CCDC3: variants seen among roughly 807,000 people sequenced by gnomAD.
The protein encoded by CCDC3 is coiled-coil domain containing 3, also known as coiled-coil domain-containing protein 3.
In CCDC3, 24 loss-of-function variants were observed where a neutral mutation model predicts 21.4. The observed-to-expected ratio is 1.12, with a 90% CI of 0.81 to 1.58. The LOEUF (loss-of-function observed/expected upper bound fraction) is 1.58. Ranked by LOEUF, CCDC3 falls within the 40% of genes most tolerant of loss-of-function variation. The probability of loss-of-function intolerance (pLI) is 0.00; values close to 1 mark genes in which losing one functional copy is unlikely to be tolerated. For missense variants in CCDC3, 425 were observed against 360.9 expected, an observed-to-expected ratio of 1.18 and a Z score of -1.44; for synonymous variants, 186 against 166.0, an observed-to-expected ratio of 1.12 and a Z score of -0.93.
rs561551732 is a variant in CCDC3 at position 12,930,379 on chromosome 10, C to T, written c.550-31700G>A. Among the ~76,000 whole-genome samples the T allele has an allele frequency of 2.6e-5, 4 of 152,326 alleles. No homozygotes were observed. In the South Asian group the frequency reaches 8.3e-4, roughly 32 times the overall value. On this transcript the variant is annotated intron_variant, in intron 2 of 2. Transcript: ENST00000378825. Reference sequence around the variant, plus strand: ...TTTGAGGGAAAGTGTCACCTAATTTCTGTTGACTCATTCTGAACAATGGAA... The same window carrying T: ...TTTGAGGGAAAGTGTCACCTAATTTTTGTTGACTCATTCTGAACAATGGAA...
Position 13,094,321 on chromosome 10 carries a change from C to T in CCDC3, c.-503+4204G>A, listed in dbSNP as rs182956216. Among the ~76,000 whole-genome samples, 1,227 of 151,888 alleles carry T rather than the reference C, an allele frequency of 8.1e-3. 22 individuals carry two copies. The highest frequency in any genetic ancestry group is 0.028 in the African/African-American group (1,170 of 41,334). On this transcript the variant is annotated intron_variant, in intron 3 of 6. Transcript: ENST00000378839. Reference sequence around the variant, plus strand: ...TCACCCAGGCTGGAGTGCAATGGCACGATCTCGGCTCACTGCAACCTCCAC... The same window carrying T: ...TCACCCAGGCTGGAGTGCAATGGCATGATCTCGGCTCACTGCAACCTCCAC...
chr10:13,031,074 A>C (rs561142239), intron 5 of CCDC3, among the ~76,000 whole-genome samples: 74 of 152,332 alleles, frequency 4.9e-4, no homozygotes, highest in Admixed American at 4.1e-3. Context: ...ACTTATTCCA[A>C]AATTGACCAC....
intron 2 of CCDC3, among the ~76,000 whole-genome samples, chr10:12,972,149 A>G (rs1231633038): frequency 6.6e-6 from 1 of 152,054 alleles, no homozygotes; most frequent in Non-Finnish European, 1.5e-5. Context: ...CATGCCATAC[A>G]CAATCCAACC....
intron 2 of CCDC3, among the ~76,000 whole-genome samples, chr10:12,909,954 C>T (rs1326379023): frequency 6.6e-6 from 1 of 152,232 alleles, no homozygotes; most frequent in East Asian, 1.9e-4. Context: ...CCTGTATCCT[C>T]AGTACTGGCT....
chr10:12,996,544 C>T (rs1437506587), intron 2 of CCDC3, among the ~76,000 whole-genome samples: 5 of 152,176 alleles, frequency 3.3e-5, no homozygotes, highest in Non-Finnish European at 7.3e-5. Context: ...CCATGTTGGC[C>T]AGGCTGGTCT....
intron 5 of CCDC3, among the ~76,000 whole-genome samples, chr10:13,034,279 G>A (rs939745858): frequency 6.7e-6 from 1 of 149,724 alleles, no homozygotes; most frequent in Non-Finnish European, 1.5e-5. Context: ...ACTCATAGGT[G>A]GGAATTGAAC....
intron 5 of CCDC3, among the ~76,000 whole-genome samples, chr10:13,017,861 A>T (rs1440080862): frequency 6.6e-6 from 1 of 152,054 alleles, no homozygotes; most frequent in African/African-American, 2.4e-5. Context: ...CTTTGGAGAC[A>T]TCACCTTTCC....
Position 12,896,810 on chromosome 10 carries a change from C to CTAT in CCDC3, c.*1603_*1605dup, listed in dbSNP as rs1194757744. ...AGGAATAAACTAGAAGACGCACCTGCTATTTCACCATACTATGGAGAATAC... is the reference window on the plus strand; with the variant it reads ...AGGAATAAACTAGAAGACGCACCTGCTATTATTTCACCATACTATGGAGAATAC... On this transcript the variant is annotated 3_prime_UTR_variant, in exon 3 of 3. Coordinates refer to ENST00000378825, the MANE Select transcript of CCDC3 (RefSeq NM_031455.4). 1 of 152,646 alleles carries CTAT rather than the reference C, an allele frequency of 6.6e-6. No homozygotes were observed. Among genetic ancestry groups the CTAT allele is most frequent in the Non-Finnish European group, 1.5e-5 (1 of 68,110 alleles). 9.5% of individuals were successfully genotyped at this position (152,646 alleles called of 1,614,324 possible). A position where few individuals can be genotyped will look rare whatever the true frequency, so the allele number is the denominator to read the frequency against.
chr10:12,934,442 A>T (rs930522782), intron 2 of CCDC3, among the ~76,000 whole-genome samples: 2 of 152,234 alleles, frequency 1.3e-5, no homozygotes, highest in Admixed American at 6.5e-5. Context: ...ATGAAGGAGT[A>T]TGTAAGTGGC....
chr10:13,012,999 C>G (rs898601591), intron 5 of CCDC3, among the ~76,000 whole-genome samples: 2 of 152,166 alleles, frequency 1.3e-5, no homozygotes, highest in Non-Finnish European at 2.9e-5. Context: ...ATTCAAAATT[C>G]ACAAAACTAA....
intron 2 of CCDC3, among the ~76,000 whole-genome samples, chr10:12,996,108 T>C (rs1357010260): frequency 6.6e-6 from 1 of 152,192 alleles, no homozygotes; most frequent in Non-Finnish European, 1.5e-5. Flanking sequence ...AGAAATTAAG[T>C]ATGACTCGGG....
At chr10:12,964,724 GA>G (rs1241275311) in intron 2 of CCDC3, among the ~76,000 whole-genome samples, 1 of 152,170 alleles carries the variant, frequency 6.6e-6, no homozygotes, top group Non-Finnish European at 1.5e-5. Context: ...CAATGTAATT[GA>G]CTCCACTTTG....
chr10:13,059,593 A>G (rs1397318525), intron 4 of CCDC3, among the ~76,000 whole-genome samples: 1 of 152,188 alleles, frequency 6.6e-6, no homozygotes, highest in African/African-American at 2.4e-5. Flanking sequence ...ACCCAAATTC[A>G]CAGTGTGGAC....
At chr10:12,924,270 T>C (rs1261639804) in intron 2 of CCDC3, among the ~76,000 whole-genome samples, 1 of 152,206 alleles carries the variant, frequency 6.6e-6, no homozygotes, top group African/African-American at 2.4e-5. Flanking sequence ...GCCCTCTAAG[T>C]AAGGCCCTTT....
At chr10:12,970,451 C>A (rs1019114767) in intron 2 of CCDC3, among the ~76,000 whole-genome samples, 5 of 151,962 alleles carry the variant, frequency 3.3e-5, no homozygotes, top group African/African-American at 1.2e-4. Context: ...AAGGTTCTCA[C>A]CCCAAAAAAA....
At position 13,075,100 on chromosome 10, in the gene CCDC3, T is replaced by TA; in HGVS notation, c.-502-1001_-502-1000insT. On this transcript the variant is annotated intron_variant, in intron 3 of 6. Coordinates refer to the CCDC3 transcript ENST00000378839. ...CAAACCTGGCTCCCTGATGAACGAA[T>TA]GGTTTCCCACTGAAACGAGGCTTTA... Among the ~76,000 whole-genome samples, 3 of 152,324 alleles carry TA rather than the reference T, an allele frequency of 2.0e-5. No individual in the cohort carries two copies. In the South Asian group the frequency reaches 6.2e-4, roughly 32 times the overall value.
intron 5 of CCDC3, among the ~76,000 whole-genome samples, chr10:13,036,398 A>C (rs1836377812): frequency 6.6e-6 from 1 of 152,206 alleles, no homozygotes; most frequent in Non-Finnish European, 1.5e-5. Context: ...CTCTTTCCCA[A>C]AGAGCTTAAA....
intron 2 of CCDC3, among the ~76,000 whole-genome samples, chr10:12,977,168 G>A (rs567488718): frequency 3.3e-5 from 5 of 152,166 alleles, no homozygotes; most frequent in Admixed American, 2.6e-4. Flanking sequence ...CCAGCTACTC[G>A]AGAGGCTGAG....
intron 2 of CCDC3, among the ~76,000 whole-genome samples, chr10:12,960,159 C>T (rs1835157333): frequency 1.9e-5 from 1 of 54,018 alleles, no homozygotes; most frequent in African/African-American, 7.2e-5. Flanking sequence ...ATTTCACACA[C>T]ACACACACAA....
Sources: allele counts gnomAD v4.1 joint callset (sites outside exome capture counted in the v4.1 genomes callset), GRCh38; gene constraint gnomAD v4.1.1; transcripts MANE v1.5; gene names NCBI Gene and HGNC (gene_info 2026-07-23, HGNC 2026-07-21).